SOCS7: variants seen among roughly 807,000 people sequenced by gnomAD.
The protein encoded by SOCS7 is suppressor of cytokine signaling 7, also known as NAP-4.
In SOCS7, 18 loss-of-function variants were observed where a neutral mutation model predicts 58.9. That is an observed-to-expected ratio of 0.31 (90% confidence interval 0.21 to 0.45). The LOEUF (loss-of-function observed/expected upper bound fraction) is 0.45, where lower values mean the gene tolerates loss of function less well. Ranked by LOEUF, SOCS7 falls within the 20% of genes least tolerant of loss-of-function variation. SOCS7 has a pLI of 1.00. For missense variants in SOCS7, 667 were observed against 837.3 expected, an observed-to-expected ratio of 0.80 and a Z score of 2.51; for synonymous variants, 388 against 364.3, an observed-to-expected ratio of 1.06 and a Z score of -0.74.
intron 5 of SOCS7, among the ~76,000 whole-genome samples, chr17:38,367,233 T>TA (rs1283032106): frequency 2.0e-5 from 3 of 151,966 alleles, no homozygotes; most frequent in East Asian, 3.9e-4. Context: ...CCCAGCTAAT[T>TA]ACTGTATTTT....
intron 2 of SOCS7, among the ~76,000 whole-genome samples, chr17:38,363,919 A>C (rs1555567911): frequency 6.6e-6 from 1 of 152,174 alleles, no homozygotes; most frequent in Non-Finnish European, 1.5e-5. Flanking sequence ...CCTGGCTATC[A>C]GCTTGTGTTC....
intron 7 of SOCS7, among the ~76,000 whole-genome samples, chr17:38,391,893 T>C (rs763409273): frequency 3.3e-5 from 5 of 152,202 alleles, no homozygotes; most frequent in Non-Finnish European, 5.9e-5. Flanking sequence ...CAGAAAGACA[T>C]GGGTATTTGG....
rs113129408 is a variant in SOCS7, at chr17:38,365,958, G to A, written c.1253-329G>A. The A allele has an allele frequency of 1.5e-4, 161 of 1,077,012 alleles. No individual in the cohort carries two copies. In the African/African-American group the frequency reaches 2.5e-3, roughly 17 times the overall value. 66.7% of individuals were successfully genotyped at this position (1,077,012 alleles called of 1,614,324 possible). ...TCACTATTTCCAAGGCTGCCTTATC[G>A]GCACTTCACTTCGAGGTGGGAGAAG... On this transcript the variant is annotated intron_variant, in intron 4 of 9. Transcript: ENST00000612932.
Position 38,352,166 on chromosome 17 carries a change from A to C in SOCS7, c.114A>C (p.Pro38=), listed in dbSNP as rs953030035. 8 of 1,170,534 alleles carry C rather than the reference A, an allele frequency of 6.8e-6. No homozygotes were observed. Among genetic ancestry groups the C allele is most frequent in the Non-Finnish European group, 7.4e-6 (7 of 945,030 alleles). The allele number at this position is 1,170,534 out of a possible 1,614,324, so 72.5% of individuals were successfully genotyped here. Residue 38 remains proline (P), a synonymous_variant, in exon 1 of 10, where the codon CCA becomes CCC. Coordinates refer to ENST00000612932, the MANE Select transcript of SOCS7 (RefSeq NM_014598.4). The surrounding 1 kb of genome is among the most constrained non-coding windows in gnomAD (Gnocchi z 5.5). ...GEAAPEPGPP[P]PPPGHGPPPP... ...CGGCCCCCGAGCCAGGCCCTCCGCC[A>C]CCGCCCCCGGGCCATGGCCCCCCGC...
chr17:38,387,099 A>AT (rs1567749062), intron 7 of SOCS7, among the ~76,000 whole-genome samples: 112 of 92,502 alleles, frequency 1.2e-3, no homozygotes, highest in Non-Finnish European at 1.4e-3. Context: ...AAAAAAAAAA[A>AT]AAAATATATA....
chr17:38,397,025 C>G (rs1240094114), intron 9 of SOCS7, among the ~76,000 whole-genome samples: 1 of 152,082 alleles, frequency 6.6e-6, no homozygotes, highest in East Asian at 1.9e-4. Flanking sequence ...GTAATTAGGC[C>G]ATTCAGTTAG....
intron 7 of SOCS7, among the ~76,000 whole-genome samples, chr17:38,389,865 GTACATATATATATATATGTACATATA>G: frequency 3.7e-5 from 1 of 26,896 alleles, no homozygotes; most frequent in South Asian, 1.3e-3. Context: ...GTGTATGTGT[GTACATATATATATATATGTACATATA>G]TATATATACA....
intron 6 of SOCS7, among the ~76,000 whole-genome samples, chr17:38,371,639 A>G (rs72834008): frequency 0.048 from 7,013 of 145,714 alleles, 196 homozygotes; most frequent in Middle Eastern, 0.21. Context: ...CGGGACGGGT[A>G]TTTTTCTGTG....
rs868046571 is a variant in SOCS7 at position 38,403,563 on chromosome 17, A to G, written c.*4081A>G. ...GGACAAGACACTGGGATAAAGCTCT[A>G]TGGCTGCTGGAAGGAGGTCTGAGTC... On this transcript the variant is annotated 3_prime_UTR_variant, in exon 10 of 10. Transcript: ENST00000612932. 6.6e-6 allele frequency: 1 copy of G among 152,212 alleles called. No homozygotes were observed. Among genetic ancestry groups the G allele is most frequent in the African/African-American group, 2.4e-5 (1 of 41,424 alleles). 9.4% of individuals were successfully genotyped at this position (152,212 alleles called of 1,614,324 possible). A position where few individuals can be genotyped will look rare whatever the true frequency, so the allele number is the denominator to read the frequency against.
rs1449284249 is a variant in SOCS7 at position 38,371,115 on chromosome 17, GTTTT to G, written c.1552+3066_1552+3069del. ...ATCCCTTTTTTGTGTTTGTTTGTTT[GTTTT>G]GTTTTGTTTTTTAAAGACAGGGTCT... On this transcript the variant is annotated intron_variant, in intron 6 of 9. Transcript: ENST00000612932. 2.0e-5 allele frequency among the ~76,000 whole-genome samples: 3 copies of G among 152,030 alleles called. No individual in the cohort carries two copies. In the South Asian group the frequency reaches 6.2e-4, roughly 32 times the overall value.
At chr17:38,371,088 G>A (rs1157801923) in intron 6 of SOCS7, among the ~76,000 whole-genome samples, 1 of 152,050 alleles carries the variant, frequency 6.6e-6, no homozygotes, top group Non-Finnish European at 1.5e-5. Flanking sequence ...TGACTGATTA[G>A]TATCCCTTTT....
At chr17:38,363,817 A>C (rs979866305) in intron 2 of SOCS7, among the ~76,000 whole-genome samples, 2 of 152,176 alleles carry the variant, frequency 1.3e-5, no homozygotes, top group African/African-American at 4.8e-5. Flanking sequence ...CCTGAATTAA[A>C]AAAAAAGGTG....
intron 1 of SOCS7, among the ~76,000 whole-genome samples, chr17:38,359,404 C>G (rs891459709): frequency 6.6e-6 from 1 of 152,272 alleles, no homozygotes; most frequent in East Asian, 1.9e-4. Context: ...AAAGCTAGGT[C>G]AGGAGAAAGA....
intron 1 of SOCS7, among the ~76,000 whole-genome samples, chr17:38,353,989 C>G (rs1436577236): frequency 6.6e-6 from 1 of 152,164 alleles, no homozygotes; most frequent in Non-Finnish European, 1.5e-5. Flanking sequence ...AAGATATAGA[C>G]AAGGTAGAGA....
Position 38,395,849 on chromosome 17 carries a change from C to T in SOCS7, c.1819C>T (p.Pro607Ser). 6.2e-7 allele frequency: 1 copy of T among 1,609,198 alleles called. No individual in the cohort carries two copies. The highest frequency in any genetic ancestry group is 8.5e-7 in the Non-Finnish European group (1 of 1,178,736). ...ATATCCGTCATTTGTTTTTCACAGACCTCTGATCTCTTATATCCGAAAGTT... is the reference window on the plus strand; with the variant it reads ...ATATCCGTCATTTGTTTTTCACAGATCTCTGATCTCTTATATCCGAAAGTT... ...DHIPDLPLPK[P>S]LISYIRKFYY... The change falls in exon 9 of 10, where the codon CCT (proline) becomes TCT (serine). Residue 607 changes from proline to serine, a missense_variant and splice_region_variant. Transcript: ENST00000612932.
chr17:38,390,835 A>G (rs2038164055), intron 7 of SOCS7, among the ~76,000 whole-genome samples: 1 of 151,290 alleles, frequency 6.6e-6, no homozygotes, highest in African/African-American at 2.4e-5. Flanking sequence ...AGCTGGGACT[A>G]TAGGCACACA....
intron 6 of SOCS7, among the ~76,000 whole-genome samples, chr17:38,369,668 C>T (rs1410469372): frequency 2.7e-5 from 4 of 147,104 alleles, no homozygotes; most frequent in African/African-American, 2.6e-5. Context: ...AATAGTTCTC[C>T]GATTACTTTT....
intron 9 of SOCS7, among the ~76,000 whole-genome samples, chr17:38,396,517 A>G (rs925296605): frequency 1.3e-5 from 2 of 152,224 alleles, no homozygotes; most frequent in African/African-American, 4.8e-5. Flanking sequence ...ATGAGGAAAA[A>G]CAGCCCACTC....
In SOCS7 at chr17:38,395,923, G is replaced by A. The variant is rs138060923; in HGVS notation, c.1893G>A (p.Ala631=). The A allele has an allele frequency of 3.7e-5, 59 of 1,611,178 alleles. No homozygotes were observed. The highest frequency in any genetic ancestry group is 2.4e-4 in the African/African-American group (18 of 74,660). ...QEEVYLSLKE[A]QLISKQKQEV... ...AGGTATACCTGTCTCTAAAGGAAGC[G>A]CAGCTCATTTCCAAACAGAAGCAAG... The change falls in exon 9 of 10, where the codon GCG becomes GCA. Residue 631 remains alanine, a synonymous_variant. Transcript: ENST00000612932.
Sources: gnomAD v4.1 joint callset for allele counts (sites outside exome capture counted in the v4.1 genomes callset) on GRCh38, gnomAD v4.1.1 for gene constraint, Gnocchi (gnomAD v3.1) non-coding constraint, MANE v1.5 for transcripts, NCBI Gene and HGNC (gene_info 2026-07-23, HGNC 2026-07-21) for gene names.